Variants in MMP26 observed in about 807,000 individuals in gnomAD.
MMP26 encodes matrix metallopeptidase 26.
MMP26 carries 33 observed loss-of-function variants against 31.0 expected under a neutral mutation model. The observed-to-expected ratio is 1.06, with a 90% CI of 0.81 to 1.42. The LOEUF is 1.42. MMP26 is among the 40% of genes most tolerant of loss of function. The pLI is 0.00. For missense variants in MMP26, 347 were observed against 316.1 expected (o/e 1.10, Z -0.74); for synonymous variants, 122 against 114.9 (o/e 1.06, Z -0.40).
At chr11:4,827,746 G>C (rs1296731996) in intron 2 of MMP26, among the ~76,000 whole-genome samples, 2 of 151,500 alleles carry the variant, frequency 1.3e-5, no homozygotes, top group African/African-American at 2.4e-5. Flanking sequence ...AAAAATAGAA[G>C]AAAGATAATA....
intron 2 of MMP26, among the ~76,000 whole-genome samples, chr11:4,773,523 T>G (rs528085655): frequency 6.6e-6 from 1 of 152,048 alleles, no homozygotes; most frequent in East Asian, 1.9e-4. Flanking sequence ...AGACACAGCC[T>G]TTGGAGAAAA....
At chr11:4,710,732 C>T (rs1156843692) in intron 1 of MMP26, 4 of 310,168 alleles carry the variant, frequency 1.3e-5, no homozygotes, top group Non-Finnish European at 2.5e-5. Flanking sequence ...AATACTGAAC[C>T]TAGCACAGTA....
intron 2 of MMP26, among the ~76,000 whole-genome samples, chr11:4,804,962 C>T (rs535755229): frequency 2.4e-4 from 32 of 132,162 alleles, no homozygotes; most frequent in African/African-American, 9.0e-4. Flanking sequence ...AGAGCGAAAC[C>T]GCCTCAAAAA....
intron 2 of MMP26, among the ~76,000 whole-genome samples, chr11:4,849,710 TA>T (rs1355909721): frequency 6.6e-6 from 1 of 152,212 alleles, no homozygotes; most frequent in Admixed American, 6.5e-5. Context: ...TCATTTTTTC[TA>T]AGCTTGATTT....
intron 2 of MMP26, among the ~76,000 whole-genome samples, chr11:4,797,363 G>T (rs4265594): frequency 6.6e-6 from 1 of 152,182 alleles, no homozygotes; most frequent in African/African-American, 2.4e-5. Flanking sequence ...GGCCCACAGC[G>T]TATGTTACCA....
At chr11:4,915,388 A>C (rs775215848) in intron 2 of MMP26, 1 of 1,614,088 alleles carries the variant, frequency 6.2e-7, no homozygotes, top group South Asian at 1.1e-5. Flanking sequence ...CTCGTGCTCC[A>C]ACCCAAAAGA....
At chr11:4,778,812 T>G (rs1370455868) in intron 2 of MMP26, among the ~76,000 whole-genome samples, 1 of 152,068 alleles carries the variant, frequency 6.6e-6, no homozygotes, top group African/African-American at 2.4e-5. Flanking sequence ...CTTTCACATA[T>G]TTGATTCTCA....
chr11:4,717,814 G>C (rs1256771351), intron 1 of MMP26, among the ~76,000 whole-genome samples: 1 of 152,144 alleles, frequency 6.6e-6, no homozygotes, highest in Non-Finnish European at 1.5e-5. Flanking sequence ...TGGTAACCCA[G>C]CTGGTAAATG....
At chr11:4,749,430 A>AT (rs1280543666) in intron 1 of MMP26, among the ~76,000 whole-genome samples, 1 of 151,980 alleles carries the variant, frequency 6.6e-6, no homozygotes, top group African/African-American at 2.4e-5. Context: ...AATTAAAAAA[A>AT]AATCTAAAAT....
chr11:4,916,503 C>T (rs1346547417), intron 2 of MMP26, among the ~76,000 whole-genome samples: 1 of 151,486 alleles, frequency 6.6e-6, no homozygotes, highest in African/African-American at 2.4e-5. Flanking sequence ...ACTGTGCTTT[C>T]TTTGTTATAG....
intron 1 of MMP26, among the ~76,000 whole-genome samples, chr11:4,725,459 G>T (rs2133279036): frequency 6.6e-6 from 1 of 152,312 alleles, no homozygotes; most frequent in East Asian, 1.9e-4. Context: ...GAGGCAAATG[G>T]TGTCTTTGCA....
chr11:4,894,887 T>C (rs77823881), intron 2 of MMP26, among the ~76,000 whole-genome samples: 1 of 152,194 alleles, frequency 6.6e-6, no homozygotes, highest in Non-Finnish European at 1.5e-5. Flanking sequence ...AATCAGTTCA[T>C]TTCACTTGTT....
At chr11:4,709,476 G>T (rs980285591) in intron 1 of MMP26, 6 of 356,640 alleles carry the variant, frequency 1.7e-5, no homozygotes, top group African/African-American at 1.1e-4. Flanking sequence ...ATCACAAATT[G>T]TATGGTGTAT....
chr11:4,861,537 A>C (rs1850160012), intron 2 of MMP26, among the ~76,000 whole-genome samples: 1 of 151,902 alleles, frequency 6.6e-6, no homozygotes, highest in African/African-American at 2.4e-5. Flanking sequence ...ATCTGTTGTA[A>C]GGATAATTTT....
intron 2 of MMP26, chr11:4,943,195 G>A (rs2570582): frequency 0.84 from 151,827 of 181,168 alleles, 63,873 homozygotes; most frequent in East Asian, 0.9. Context: ...ATGAAACACA[G>A]CGAAACAATA....
intron 2 of MMP26, chr11:4,804,450 G>A: frequency 8.2e-7 from 1 of 1,216,486 alleles, no homozygotes; most frequent in Non-Finnish European, 1.2e-6. Flanking sequence ...CAAAACAAGT[G>A]TTATTATTAT....
At chr11:4,853,382 T>C (rs1287812763) in intron 2 of MMP26, among the ~76,000 whole-genome samples, 2 of 151,918 alleles carry the variant, frequency 1.3e-5, no homozygotes, top group African/African-American at 2.4e-5. Flanking sequence ...TATACTTTAA[T>C]AAAGCTGAAA....
At chr11:4,936,656 C>G (rs181440256) in intron 2 of MMP26, among the ~76,000 whole-genome samples, 1 of 151,762 alleles carries the variant, frequency 6.6e-6, no homozygotes, top group African/African-American at 2.4e-5. Flanking sequence ...AAGAGCTGGG[C>G]GTAAAATATA....
intron 1 of MMP26, among the ~76,000 whole-genome samples, chr11:4,745,057 G>T (rs1848362026): frequency 6.6e-6 from 1 of 151,714 alleles, no homozygotes; most frequent in Admixed American, 6.6e-5. Context: ...TTTCTTTTTT[G>T]ACTTGCTATG....
Sources: gnomAD v4.1 joint callset for allele counts (sites outside exome capture counted in the v4.1 genomes callset) on GRCh38, gnomAD v4.1.1 for gene constraint, MANE v1.5 for transcripts, NCBI Gene and HGNC (gene_info 2026-07-23, HGNC 2026-07-21) for gene names.